Variants in OTOG observed in about 807,000 individuals in gnomAD.
OTOG encodes the protein otogelin.
A neutral mutation model predicts 313.8 loss-of-function variants in OTOG; 296 were observed. That is an observed-to-expected ratio of 0.94 (90% CI 0.86 to 1.04). The LOEUF (loss-of-function observed/expected upper bound fraction) is 1.04. Ranked by LOEUF, OTOG falls within the 50% of genes least tolerant of loss-of-function variation. The probability of loss-of-function intolerance (pLI) is 0.00; values close to 1 mark genes in which losing one functional copy is unlikely to be tolerated. For missense variants in OTOG, 3,948 were observed against 3,840.1 expected (o/e 1.03, Z -0.74); for synonymous variants, 1,533 against 1,554.9 (o/e 0.99, Z 0.33).
In OTOG at chr11:17,610,898, A is replaced by C. The variant is rs889267015; in HGVS notation, c.5598A>C (p.Ala1866=). 1 of 1,548,470 alleles carries C rather than the reference A, an allele frequency of 6.5e-7. No individual in the cohort carries two copies. Among genetic ancestry groups the C allele is most frequent in the Admixed American group, 2.0e-5 (1 of 50,868 alleles). The change falls in exon 36 of 56, where the codon GCA becomes GCC. Residue 1866 remains alanine (A), a synonymous_variant. Transcript: ENST00000399397. ...MTQAHPPTHI[A]PPAAGTAPGL... The stretch of plus-strand genomic sequence containing the variant: ...AGGCGCACCCACCCACTCACATAGC[A>C]CCCCCAGCAGCAGGCACAGCTCCAG...
intron 15 of OTOG, among the ~76,000 whole-genome samples, chr11:17,566,277 A>G (rs1352693779): frequency 6.6e-6 from 1 of 152,166 alleles, no homozygotes; most frequent in Non-Finnish European, 1.5e-5. Context: ...ATACAATGTA[A>G]ATGCTTATAT....
chr11:17,550,667 G>A (rs1010272734), intron 3 of OTOG, among the ~76,000 whole-genome samples: 10 of 152,146 alleles, frequency 6.6e-5, no homozygotes, highest in African/African-American at 2.4e-4. Flanking sequence ...GCTCTCTGGT[G>A]GCTAAAGGAT....
rs138051536 is a variant in OTOG, at chr11:17,643,682, T to G, written c.8461+176T>G. On this transcript the variant is annotated intron_variant, in intron 54 of 55. Transcript: ENST00000399397. Reference sequence around the variant, plus strand: ...AGGGCTCACGGCACTGACGCAAATATGCAGATGGCTGGAGGCCATGTTTAT... The same window carrying G: ...AGGGCTCACGGCACTGACGCAAATAGGCAGATGGCTGGAGGCCATGTTTAT... Among the ~76,000 whole-genome samples the G allele has an allele frequency of 3.2e-3, 487 of 152,318 alleles. 3 individuals are homozygous for G. Among genetic ancestry groups the G allele is most frequent in the African/African-American group, 0.011 (455 of 41,578 alleles).
At position 17,570,336 on chromosome 11, in the gene OTOG, A is replaced by G; in HGVS notation, c.1901A>G (p.Glu634Gly). ...CTGCAAGTGGACCAGCGATGGGTGG[A>G]GGATACCGTGGGCCTCTGCGGCACC... ...LYLQVDQRWV[E>G]DTVGLCGTFN... is the part of the protein sequence containing the mutation. The change falls in exon 17 of 56, where the codon GAG (glutamate) becomes GGG (glycine). Residue 634 changes from glutamate to glycine, a missense_variant. By Grantham distance (98) the Glu-to-Gly change is moderately conservative. Coordinates refer to ENST00000399397, the MANE Select transcript of OTOG (RefSeq NM_001292063.2). The G allele has an allele frequency of 6.4e-7, 1 of 1,550,628 alleles. No individual in the cohort carries two copies. Among genetic ancestry groups the G allele is most frequent in the Non-Finnish European group, 8.7e-7 (1 of 1,146,998 alleles).
rs565614871 is a variant in OTOG, at chr11:17,556,217, T to A, written c.659+320T>A. 3.3e-5 allele frequency among the ~76,000 whole-genome samples: 5 copies of A among 152,316 alleles called. No homozygotes were observed. In the South Asian group the frequency reaches 1.0e-3, roughly 32 times the overall value. The stretch of plus-strand genomic sequence containing the variant: ...TTTTCCCTCCCAAAATCTTCCCAAA[T>A]GGATCATACACAGTTTCTACCTCCT... On this transcript the variant is annotated intron_variant, in intron 7 of 55. Transcript: ENST00000399397.
At position 17,574,734 on chromosome 11, in the gene OTOG, G is replaced by A. The variant is rs1219842417; in HGVS notation, c.2308G>A (p.Ala770Thr). ...RLPACALSCE[A>T]SKEYSPCVAP... Reference sequence around the variant, plus strand: ...CCTCACTGCAGCACTGTCCTGTGAGGCCTCCAAGGAGTATAGCCCCTGCGT... The same window carrying A: ...CCTCACTGCAGCACTGTCCTGTGAGACCTCCAAGGAGTATAGCCCCTGCGT... Residue 770 changes from alanine (A) to threonine (T), a missense_variant, in exon 20 of 56, where the codon GCC becomes ACC. By Grantham distance (58) the Ala-to-Thr change is moderately conservative. Transcript: ENST00000399397. 6.4e-7 allele frequency: 1 copy of A among 1,550,572 alleles called. No individual in the cohort carries two copies. The highest frequency in any genetic ancestry group is 8.7e-7 in the Non-Finnish European group (1 of 1,146,938).
At chr11:17,586,810 G>C (rs1852804575) in intron 24 of OTOG, among the ~76,000 whole-genome samples, 2 of 152,214 alleles carry the variant, frequency 1.3e-5, no homozygotes, top group Admixed American at 1.3e-4. Flanking sequence ...GTATATGAAT[G>C]TGTATACATG....
intron 25 of OTOG, 101 bp from the exon 26 acceptor site, chr11:17,593,092 G>C (rs943804556): frequency 5.5e-5 from 67 of 1,213,334 alleles, no homozygotes; most frequent in Non-Finnish European, 7.4e-5. Context: ...AGTAGAAGTG[G>C]ACTGAAAGCC....
intron 36 of OTOG, among the ~76,000 whole-genome samples, chr11:17,611,692 T>C (rs577098573): frequency 7.2e-5 from 11 of 152,222 alleles, no homozygotes; most frequent in African/African-American, 1.4e-4. Context: ...GAGACTGCTG[T>C]GTGTGTTTGT....
intron 55 of OTOG, 45 bp downstream of exon 55, chr11:17,645,688 G>T (rs1161852168): frequency 1.3e-6 from 2 of 1,550,574 alleles, no homozygotes; most frequent in African/African-American, 2.7e-5. Context: ...AAATGGGATG[G>T]AGGGGGTTTG....
intron 30 of OTOG, among the ~76,000 whole-genome samples, chr11:17,598,769 C>G (rs77251078): frequency 6.6e-6 from 1 of 152,210 alleles, no homozygotes; most frequent in Non-Finnish European, 1.5e-5. Context: ...AAACCAGAAA[C>G]TTGGAGATTT....
At chr11:17,623,030 G>T (rs1853901810) in intron 39 of OTOG, among the ~76,000 whole-genome samples, 1 of 152,130 alleles carries the variant, frequency 6.6e-6, no homozygotes, top group East Asian at 1.9e-4. Flanking sequence ...TTGGATAAAA[G>T]CCATTTTAAG....
At chr11:17,560,193 G>T (rs1193381357) in intron 12 of OTOG, among the ~76,000 whole-genome samples, 1 of 152,220 alleles carries the variant, frequency 6.6e-6, no homozygotes, top group Non-Finnish European at 1.5e-5. Context: ...TCTATAGTGT[G>T]CTTGGCTAGG....
chr11:17,635,336 CAG>C, intron 46 of OTOG, 149 bp downstream of exon 46: 1 of 687,694 alleles, frequency 1.5e-6, no homozygotes, highest in South Asian at 1.9e-5. Context: ...GTCCAGGAAA[CAG>C]TGTGGGAGGA....
At chr11:17,559,432 A>T in intron 11 of OTOG, 102 bp from the exon 12 acceptor site, 1 of 1,452,096 alleles carries the variant, frequency 6.9e-7, no homozygotes. Flanking sequence ...CATGAAAATC[A>T]AAGCCCTCCC....
intron 7 of OTOG, among the ~76,000 whole-genome samples, chr11:17,556,750 C>T (rs940958393): frequency 1.3e-5 from 2 of 152,138 alleles, no homozygotes; most frequent in East Asian, 1.9e-4. Flanking sequence ...TGCTGGAGCC[C>T]GCCATCTTTT....
intron 40 of OTOG, among the ~76,000 whole-genome samples, chr11:17,631,356 T>TTCTCTCTCTC (rs143019994): frequency 4.9e-5 from 7 of 141,690 alleles, no homozygotes; most frequent in South Asian, 2.3e-4. Flanking sequence ...GCTTCTCTCC[T>TTCTCTCTCTC]TCTCTCTCTC....
chr11:17,550,777 G>A (rs755872194), intron 3 of OTOG, among the ~76,000 whole-genome samples: 8 of 152,236 alleles, frequency 5.3e-5, no homozygotes, highest in Admixed American at 5.2e-4. Context: ...GACTCCTGGG[G>A]CTGGGGCTGG....
intron 39 of OTOG, among the ~76,000 whole-genome samples, chr11:17,625,693 A>C (rs918113992): frequency 4.6e-5 from 7 of 152,072 alleles, no homozygotes; most frequent in African/African-American, 1.4e-4. Flanking sequence ...TATATATTCT[A>C]ATTATTAATC....
Sources: allele counts gnomAD v4.1 joint callset (sites outside exome capture counted in the v4.1 genomes callset), GRCh38; gene constraint gnomAD v4.1.1; transcripts MANE v1.5; gene names NCBI Gene and HGNC (gene_info 2026-07-23, HGNC 2026-07-21).